Variants in COX7B2 observed in about 807,000 individuals in gnomAD.
COX7B2 encodes the protein cytochrome c oxidase subunit 7B2, mitochondrial.
For synonymous variants in COX7B2, 37 were observed against 32.1 expected (o/e 1.15, Z -0.51); for missense variants, 109 against 95.9 (o/e 1.14, Z -0.57).
intron 1 of COX7B2, among the ~76,000 whole-genome samples, chr4:46,893,996 C>A (rs1290699216): frequency 6.6e-6 from 1 of 151,982 alleles, no homozygotes; most frequent in African/African-American, 2.4e-5. Context: ...TCTAAAAACA[C>A]TGCTCAAAGA....
At chr4:46,809,403 G>T (rs552656308) in intron 2 of COX7B2, among the ~76,000 whole-genome samples, 1 of 151,454 alleles carries the variant, frequency 6.6e-6, no homozygotes, top group East Asian at 1.9e-4. Flanking sequence ...TAATGTAGGC[G>T]TTTATTTCTA....
intron 2 of COX7B2, among the ~76,000 whole-genome samples, chr4:46,754,787 A>G (rs1020092577): frequency 7.1e-6 from 1 of 141,478 alleles, no homozygotes; most frequent in Non-Finnish European, 1.5e-5. Flanking sequence ...GGGTGACAAG[A>G]TTAAATAATT....
At chr4:46,880,526 T>C (rs1718648108) in intron 1 of COX7B2, among the ~76,000 whole-genome samples, 1 of 147,060 alleles carries the variant, frequency 6.8e-6, no homozygotes. Flanking sequence ...CTTGGGAGGG[T>C]GCATGTGTCC....
intron 2 of COX7B2, among the ~76,000 whole-genome samples, chr4:46,781,914 G>A (rs1717479556): frequency 6.6e-6 from 1 of 152,198 alleles, no homozygotes; most frequent in Non-Finnish European, 1.5e-5. Context: ...CTCAGGACCT[G>A]CAGCCCTCCA....
intron 2 of COX7B2, among the ~76,000 whole-genome samples, chr4:46,824,216 T>A (rs767770062): frequency 1.3e-5 from 2 of 152,168 alleles, no homozygotes; most frequent in Non-Finnish European, 2.9e-5. Context: ...CCTGATGGAT[T>A]CACGGTCAAA....
chr4:46,853,092 C>CATTG lies in COX7B2; in HGVS notation c.-104-8082_-104-8079dup, dbSNP rs570010378. Among the ~76,000 whole-genome samples the CATTG allele has an allele frequency of 2.2e-3, 337 of 152,150 alleles. 2 individuals carry two copies. Among genetic ancestry groups the CATTG allele is most frequent in the Non-Finnish European group, 3.9e-3 (267 of 67,974 alleles). Reference sequence around the variant, plus strand: ...GAAACACACATAAAACAAGGTTATGCATTGATTGATTGATTGATTGATGAA... The same window carrying CATTG: ...GAAACACACATAAAACAAGGTTATGCATTGATTGATTGATTGATTGATTGATGAA... On this transcript the variant is annotated intron_variant, in intron 1 of 2. Coordinates refer to ENST00000355591, the MANE Select transcript of COX7B2 (RefSeq NM_130902.3).
chr4:46,853,797 T>C (rs188766056), intron 1 of COX7B2, among the ~76,000 whole-genome samples: 8 of 152,258 alleles, frequency 5.3e-5, no homozygotes, highest in African/African-American at 1.9e-4. Context: ...GAATTGTGAT[T>C]AGTGCTATCT....
intron 2 of COX7B2, among the ~76,000 whole-genome samples, chr4:46,753,570 G>C (rs1384058374): frequency 6.6e-6 from 1 of 151,776 alleles, no homozygotes; most frequent in Non-Finnish European, 1.5e-5. Flanking sequence ...ATTCAAGATG[G>C]ATTAAAGACT....
intron 1 of COX7B2, among the ~76,000 whole-genome samples, chr4:46,895,322 G>T (rs1366600682): frequency 6.6e-6 from 1 of 152,094 alleles, no homozygotes; most frequent in African/African-American, 2.4e-5. Context: ...AAAAGAATGA[G>T]ACCCTGTCTT....
intron 1 of COX7B2, among the ~76,000 whole-genome samples, chr4:46,867,588 G>A (rs1467161089): frequency 6.6e-6 from 1 of 152,202 alleles, no homozygotes; most frequent in Non-Finnish European, 1.5e-5. Flanking sequence ...TGCAGCTAAT[G>A]AACAGCCCAT....
At chr4:46,878,854 T>A (rs1718519529) in intron 1 of COX7B2, among the ~76,000 whole-genome samples, 1 of 152,164 alleles carries the variant, frequency 6.6e-6, no homozygotes, top group African/African-American at 2.4e-5. Context: ...TAGTTCTACT[T>A]ACATTTCATT....
intron 2 of COX7B2, among the ~76,000 whole-genome samples, chr4:46,824,479 A>G (rs1196210894): frequency 6.6e-6 from 1 of 152,116 alleles, no homozygotes; most frequent in Non-Finnish European, 1.5e-5. Flanking sequence ...CTTTTTCGTT[A>G]TTCACTAACC....
At chr4:46,797,220 C>T (rs1718410034) in intron 2 of COX7B2, among the ~76,000 whole-genome samples, 1 of 151,406 alleles carries the variant, frequency 6.6e-6, no homozygotes, top group Non-Finnish European at 1.5e-5. Context: ...GGATCTATAG[C>T]CCTTTGCCAG....
At chr4:46,889,290 CAAACTG>C (rs1719275650) in intron 1 of COX7B2, among the ~76,000 whole-genome samples, 7 of 152,164 alleles carry the variant, frequency 4.6e-5, no homozygotes, top group Middle Eastern at 3.2e-3. Flanking sequence ...GCCTGGATTT[CAAACTG>C]TAGTCCTACA....
intron 2 of COX7B2, among the ~76,000 whole-genome samples, chr4:46,824,139 G>A (rs1173761432): frequency 6.6e-6 from 1 of 152,026 alleles, no homozygotes; most frequent in African/African-American, 2.4e-5. Context: ...TCCCTGAACA[G>A]ACCAATAATG....
intron 1 of COX7B2, among the ~76,000 whole-genome samples, chr4:46,847,792 G>C (rs1339915171): frequency 6.6e-6 from 1 of 151,926 alleles, no homozygotes; most frequent in Non-Finnish European, 1.5e-5. Flanking sequence ...TTCTCAGAGA[G>C]GAATAGACAA....
At chr4:46,895,223 A>G (rs1057412066) in intron 1 of COX7B2, among the ~76,000 whole-genome samples, 5 of 152,226 alleles carry the variant, frequency 3.3e-5, no homozygotes, top group African/African-American at 9.6e-5. Flanking sequence ...AATAGCAAAA[A>G]CATAGAACTA....
intron 1 of COX7B2, among the ~76,000 whole-genome samples, chr4:46,847,192 G>T (rs1716341857): frequency 6.6e-6 from 1 of 152,074 alleles, no homozygotes; most frequent in South Asian, 2.1e-4. Flanking sequence ...ATCCCTGTAT[G>T]ATTCCCATCT....
At chr4:46,864,055 T>C (rs546012446) in intron 1 of COX7B2, among the ~76,000 whole-genome samples, 2 of 152,240 alleles carry the variant, frequency 1.3e-5, no homozygotes, top group Non-Finnish European at 2.9e-5. Context: ...CCTTCAAGAA[T>C]ATGGAAATAA....
Sources: allele counts gnomAD v4.1 joint callset (sites outside exome capture counted in the v4.1 genomes callset), GRCh38; gene constraint gnomAD v4.1.1; transcripts MANE v1.5; gene names NCBI Gene and HGNC (gene_info 2026-07-23, HGNC 2026-07-21).